The following CDH4 variants were observed in gnomAD, a reference collection of about 807,000 sequenced individuals.
CDH4 encodes cadherin 4.
CDH4 carries 33 observed loss-of-function variants against 86.0 expected under a neutral mutation model. That is an observed-to-expected ratio of 0.38 (90% CI 0.29 to 0.51). The LOEUF is 0.51. Ranked by LOEUF, CDH4 falls within the 20% of genes least tolerant of loss-of-function variation. CDH4 has a pLI of 0.86. For synonymous variants in CDH4, 555 were observed against 549.4 expected (o/e 1.01, Z -0.14); for missense variants, 1,114 against 1,307.4 (o/e 0.85, Z 2.28).
At chr20:61,739,617 A>T (rs1046224283) in intron 2 of CDH4, among the ~76,000 whole-genome samples, 3 of 152,216 alleles carry the variant, frequency 2.0e-5, no homozygotes, top group Non-Finnish European at 2.9e-5. Flanking sequence ...CAGTCTGCAG[A>T]GTCCAGAGTG....
chr20:61,589,021 T>C (rs2086498837), intron 2 of CDH4, among the ~76,000 whole-genome samples: 1 of 152,234 alleles, frequency 6.6e-6, no homozygotes, highest in Admixed American at 6.5e-5. Flanking sequence ...TGACGACAGA[T>C]CAGAGCTGTG....
chr20:61,924,289 G>T, intron 10 of CDH4, 45 bp from the exon 11 acceptor site: 1 of 626,216 alleles, frequency 1.6e-6, no homozygotes, highest in Non-Finnish European at 2.5e-6. Context: ...GGGCAGCCCC[G>T]CCCACCCCCA....
At chr20:61,887,934 G>A (rs1984621359) in intron 7 of CDH4, among the ~76,000 whole-genome samples, 2 of 152,198 alleles carry the variant, frequency 1.3e-5, no homozygotes, top group Admixed American at 1.3e-4. Context: ...AGGCAGTGGG[G>A]CACCTCCTGA....
intron 2 of CDH4, among the ~76,000 whole-genome samples, chr20:61,363,506 C>G (rs1296497848): frequency 1.3e-5 from 2 of 151,292 alleles, no homozygotes; most frequent in Non-Finnish European, 3.0e-5. Flanking sequence ...ACACCTATGA[C>G]AAATGTTATA....
intron 2 of CDH4, among the ~76,000 whole-genome samples, chr20:61,506,017 A>T (rs1402435248): frequency 3.9e-5 from 6 of 152,254 alleles, no homozygotes; most frequent in Admixed American, 3.9e-4. Flanking sequence ...AATGCAGTTC[A>T]CACTGGATGG....
At chr20:61,614,851 G>C (rs1349173922) in intron 2 of CDH4, among the ~76,000 whole-genome samples, 2 of 152,122 alleles carry the variant, frequency 1.3e-5, no homozygotes, top group Non-Finnish European at 2.9e-5. Context: ...AGACCCAGGG[G>C]ATGGGGCAGT....
chr20:61,725,609 C>G (rs752140002), intron 2 of CDH4, among the ~76,000 whole-genome samples: 1 of 152,092 alleles, frequency 6.6e-6, no homozygotes, highest in Non-Finnish European at 1.5e-5. Flanking sequence ...ATACAGAAAA[C>G]AAGAAACACC....
intron 2 of CDH4, among the ~76,000 whole-genome samples, chr20:61,368,350 C>T (rs1033747157): frequency 5.9e-5 from 9 of 152,118 alleles, no homozygotes; most frequent in Non-Finnish European, 1.2e-4. Context: ...GGGATCGGTG[C>T]ACTTAGAAAA....
At chr20:61,625,597 A>G (rs1165129735) in intron 2 of CDH4, among the ~76,000 whole-genome samples, 1 of 152,220 alleles carries the variant, frequency 6.6e-6, no homozygotes, top group African/African-American at 2.4e-5. Flanking sequence ...CGAAAACAAC[A>G]TGATTTTCAA....
At chr20:61,565,224 GTGGTGGTGGTGGTGGTGGCGGTGCTCT>G (rs2086269061) in intron 2 of CDH4, among the ~76,000 whole-genome samples, 1 of 44,314 alleles carries the variant, frequency 2.3e-5, no homozygotes, top group Non-Finnish European at 4.9e-5. Context: ...TCGGTGGTAG[GTGGTGGTGGTGGTGGTGGCGGTGCTCT>G]TGGTGATGGT....
intron 2 of CDH4, among the ~76,000 whole-genome samples, chr20:61,472,655 A>C (rs908110286): frequency 6.6e-6 from 1 of 152,252 alleles, no homozygotes; most frequent in Non-Finnish European, 1.5e-5. Context: ...TCTACCTCAC[A>C]GCTTGACTGT....
In CDH4 at chr20:61,729,748, C is replaced by T. The variant is rs184950991; in HGVS notation, c.170-13815C>T. ...GGCTTTTCTTAGACAGGAAGAATCC[C>T]ATGGTATTTTCTCATCAGAGAGAGA... On this transcript the variant is annotated intron_variant, in intron 2 of 15. Transcript: ENST00000614565. Among the ~76,000 whole-genome samples the T allele has an allele frequency of 5.4e-4, 82 of 152,332 alleles. 1 individual carries two copies. Among genetic ancestry groups the T allele is most frequent in the African/African-American group, 1.6e-3 (67 of 41,566 alleles).
intron 2 of CDH4, among the ~76,000 whole-genome samples, chr20:61,267,277 C>T (rs2084162338): frequency 6.6e-6 from 1 of 152,096 alleles, no homozygotes; most frequent in Admixed American, 6.6e-5. Flanking sequence ...TGACCTGGGA[C>T]TCTGCTGTTT....
At chr20:61,656,481 G>A (rs1363033686) in intron 2 of CDH4, among the ~76,000 whole-genome samples, 1 of 152,114 alleles carries the variant, frequency 6.6e-6, no homozygotes, top group African/African-American at 2.4e-5. Context: ...TGTTGGGGTG[G>A]GCAGGTGCAT....
intron 2 of CDH4, among the ~76,000 whole-genome samples, chr20:61,262,592 CAATG>C (rs1343754548): frequency 6.6e-6 from 1 of 152,128 alleles, no homozygotes; most frequent in African/African-American, 2.4e-5. Flanking sequence ...TAAAAAATCA[CAATG>C]AAATTCATAA....
chr20:61,356,013 T>A (rs1355666910), intron 2 of CDH4, among the ~76,000 whole-genome samples: 1 of 152,248 alleles, frequency 6.6e-6, no homozygotes, highest in Non-Finnish European at 1.5e-5. Flanking sequence ...TTGGTTAAAG[T>A]TTCTTTCCAG....
chr20:61,455,484 A>T (rs2085402073), intron 2 of CDH4, among the ~76,000 whole-genome samples: 1 of 152,166 alleles, frequency 6.6e-6, no homozygotes, highest in Admixed American at 6.5e-5. Context: ...TGGCAATCGC[A>T]CTCCTGAAAA....
intron 2 of CDH4, among the ~76,000 whole-genome samples, chr20:61,550,942 G>T: frequency 6.6e-6 from 1 of 152,378 alleles, no homozygotes; most frequent in East Asian, 1.9e-4. Context: ...AGCTGATGGG[G>T]AGAGTGGGAA....
chr20:61,862,367 C>A (rs1170254986), intron 6 of CDH4, among the ~76,000 whole-genome samples: 1 of 152,228 alleles, frequency 6.6e-6, no homozygotes, highest in Non-Finnish European at 1.5e-5. Flanking sequence ...TGTCCCAGCA[C>A]TAGCTCCTGG....
Sources: allele counts gnomAD v4.1 joint callset (sites outside exome capture counted in the v4.1 genomes callset), GRCh38; gene constraint gnomAD v4.1.1; transcripts MANE v1.5; gene names NCBI Gene and HGNC (gene_info 2026-07-23, HGNC 2026-07-21).